Variants in R3HDM1 observed in about 807,000 individuals in gnomAD.
R3HDM1 encodes R3H domain containing 1.
R3HDM1 carries 46 observed loss-of-function variants against 141.1 expected under a neutral mutation model. The ratio of observed to expected loss-of-function variants is 0.33; its 90% CI spans 0.26 to 0.42. The LOEUF is 0.42. Among genes scored for constraint, R3HDM1 ranks in the 10% least tolerant of loss-of-function variants. The probability of loss-of-function intolerance (pLI) is 1.00; values close to 1 mark genes in which losing one functional copy is unlikely to be tolerated. For missense variants in R3HDM1, 1,184 were observed against 1,368.3 expected, an observed-to-expected ratio of 0.87 and a Z score of 2.12; for synonymous variants, 435 against 472.9, an observed-to-expected ratio of 0.92 and a Z score of 1.04.
chr2:135,636,731 A>T (rs552785083), intron 11 of R3HDM1, among the ~76,000 whole-genome samples: 9 of 151,982 alleles, frequency 5.9e-5, no homozygotes, highest in Admixed American at 5.9e-4. Flanking sequence ...GTCAACATCT[A>T]CTAAGCATCT....
intron 26 of R3HDM1, among the ~76,000 whole-genome samples, chr2:135,722,781 A>AAAAAGT (rs2076819893): frequency 6.6e-6 from 1 of 152,174 alleles, no homozygotes; most frequent in South Asian, 2.1e-4. Flanking sequence ...CAGAGGGGCC[A>AAAAAGT]CAGGGAAATG....
intron 5 of R3HDM1, chr2:135,620,186 G>A (rs1574415500): frequency 4.1e-6 from 2 of 486,508 alleles, no homozygotes; most frequent in Non-Finnish European, 5.3e-6. Context: ...CTAAGAGGAG[G>A]TAGTGTGAAA....
At chr2:135,695,471 T>C (rs1234679085) in intron 21 of R3HDM1, among the ~76,000 whole-genome samples, 10 of 152,164 alleles carry the variant, frequency 6.6e-5, no homozygotes, top group African/African-American at 2.4e-4. Context: ...AAAAAAAATA[T>C]TTGAGTAAGT....
At position 135,602,515 on chromosome 2, in the gene R3HDM1, G is replaced by A. The variant is rs1347861184; in HGVS notation, c.-234G>A. 1.5e-6 allele frequency: 2 copies of A among 1,320,382 alleles called. No individual in the cohort carries two copies. Among genetic ancestry groups the A allele is most frequent in the Admixed American group, 3.8e-5 (1 of 26,410 alleles). 81.8% of individuals were successfully genotyped at this position (1,320,382 alleles called of 1,614,324 possible). Reference sequence around the variant, plus strand: ...TTCATTTTAGGCCACGGAAAGGTATGATATATTTGATCCAAGACAGTCCAT... The same window carrying A: ...TTCATTTTAGGCCACGGAAAGGTATAATATATTTGATCCAAGACAGTCCAT... On this transcript the variant is annotated 5_prime_UTR_variant, in exon 2 of 27. It removes an upstream start codon present in the reference 5' UTR. Coordinates refer to ENST00000683871, the MANE Select transcript of R3HDM1 (RefSeq NM_001378107.1).
chr2:135,661,225 A>G, intron 18 of R3HDM1, 45 bp from the exon 19 acceptor site: 6 of 1,607,044 alleles, frequency 3.7e-6, no homozygotes, highest in Non-Finnish European at 5.1e-6. Flanking sequence ...AAACATATGT[A>G]ATGCAAGTAA....
Position 135,709,396 on chromosome 2 carries a change from C to T in R3HDM1, c.2460-37C>T, listed in dbSNP as rs764235588. ...CCATTCAAGAATGTTTATAGTCATC[C>T]TCCTCTCATTATGCTGTTTTTTTGT... On this transcript the variant is annotated intron_variant, in intron 21 of 26. Transcript: ENST00000683871. 46 of 1,609,938 alleles carry T rather than the reference C, an allele frequency of 2.9e-5. No homozygotes were observed. The Admixed American group carries it at 7.2e-4, about 25-fold the overall frequency.
At chr2:135,622,100 T>G in intron 6 of R3HDM1, 1 of 981,572 alleles carries the variant, frequency 1.0e-6, no homozygotes, top group Non-Finnish European at 1.2e-6. Context: ...ACCAGTATTA[T>G]AAATAGTATA....
At chr2:135,564,553 A>G (rs1277641253) in intron 1 of R3HDM1, among the ~76,000 whole-genome samples, 1 of 152,162 alleles carries the variant, frequency 6.6e-6, no homozygotes, top group African/African-American at 2.4e-5. Flanking sequence ...TCCTGACCTC[A>G]GGTGATCCAC....
intron 1 of R3HDM1, among the ~76,000 whole-genome samples, chr2:135,539,684 A>G (rs1477658163): frequency 1.3e-5 from 2 of 151,426 alleles, no homozygotes; most frequent in African/African-American, 2.5e-5. Context: ...AGAGTTTTAT[A>G]CAATTCTGTA....
chr2:135,667,969 G>A (rs1311262741), intron 19 of R3HDM1, among the ~76,000 whole-genome samples: 1 of 152,188 alleles, frequency 6.6e-6, no homozygotes, highest in Non-Finnish European at 1.5e-5. Context: ...GAATTCATGA[G>A]CAACTTGAAC....
At chr2:135,663,134 C>CA (rs555551580) in intron 19 of R3HDM1, among the ~76,000 whole-genome samples, 6,672 of 90,100 alleles carry the variant, frequency 0.074, 327 homozygotes, top group East Asian at 0.27. Flanking sequence ...GCCTCTCTGC[C>CA]AAAAAAAAAA....
intron 19 of R3HDM1, chr2:135,670,400 T>C: frequency 1.0e-6 from 1 of 974,480 alleles, no homozygotes; most frequent in South Asian, 4.8e-5. Context: ...TAAAGATCAG[T>C]TGAGTTGTTT....
chr2:135,592,413 C>A (rs187438598), intron 1 of R3HDM1, among the ~76,000 whole-genome samples: 3 of 152,122 alleles, frequency 2.0e-5, no homozygotes, highest in African/African-American at 7.2e-5. Context: ...GAGATAACTC[C>A]GAGGTCAAGA....
chr2:135,719,021 G>A (rs1056660473), intron 24 of R3HDM1, among the ~76,000 whole-genome samples: 5 of 152,074 alleles, frequency 3.3e-5, no homozygotes, highest in South Asian at 4.2e-4. Flanking sequence ...GGTGGCGCAC[G>A]CCTGTAATCT....
chr2:135,643,445 T>C (rs906099859), intron 15 of R3HDM1, among the ~76,000 whole-genome samples: 4 of 152,132 alleles, frequency 2.6e-5, no homozygotes, highest in African/African-American at 9.7e-5. Flanking sequence ...AGGGATTTAC[T>C]ATGGAAGAAC....
At chr2:135,617,844 G>T (rs1329370393) in intron 5 of R3HDM1, among the ~76,000 whole-genome samples, 1 of 152,052 alleles carries the variant, frequency 6.6e-6, no homozygotes, top group Non-Finnish European at 1.5e-5. Context: ...CAATTTTGTG[G>T]TTATTTAAGA....
At chr2:135,588,791 C>T (rs1027099066) in intron 1 of R3HDM1, among the ~76,000 whole-genome samples, 2 of 151,996 alleles carry the variant, frequency 1.3e-5, no homozygotes, top group African/African-American at 4.8e-5. Flanking sequence ...TAAGATAATA[C>T]CCCACTTCAT....
chr2:135,720,007 G>T (rs1454452365), intron 24 of R3HDM1, among the ~76,000 whole-genome samples: 3 of 152,002 alleles, frequency 2.0e-5, no homozygotes, highest in African/African-American at 7.3e-5. Context: ...CATACGCCTG[G>T]CTAATTTTTT....
At position 135,630,281 on chromosome 2, in the gene R3HDM1, CAAAAAAAAA is replaced by C. The variant is rs911009655; in HGVS notation, c.498-1418_498-1410del. Among the ~76,000 whole-genome samples, 312 of 39,312 alleles carry C rather than the reference CAAAAAAAAA, an allele frequency of 7.9e-3. 2 individuals are homozygous for C. Among genetic ancestry groups the C allele is most frequent in the African/African-American group, 0.025 (269 of 10,822 alleles). The allele number at this position is 39,312 out of a possible 152,430, so 25.8% of individuals were successfully genotyped here. On this transcript the variant is annotated intron_variant, in intron 7 of 26. Coordinates refer to ENST00000683871, the MANE Select transcript of R3HDM1 (RefSeq NM_001378107.1). ...AACAAGAGCGAAACTCCTTCTCAACCAAAAAAAAAAAAAAAAAAAAAAAAAAACAAAAAA... is the reference window on the plus strand; with the variant it reads ...AACAAGAGCGAAACTCCTTCTCAACCAAAAAAAAAAAAAAAAAACAAAAAA...
Sources: allele counts gnomAD v4.1 joint callset (sites outside exome capture counted in the v4.1 genomes callset), GRCh38; gene constraint gnomAD v4.1.1; transcripts MANE v1.5; gene names NCBI Gene and HGNC (gene_info 2026-07-23, HGNC 2026-07-21).